Variants in CCDC3 observed in about 807,000 individuals in gnomAD.
CCDC3 encodes coiled-coil domain-containing protein 3.
In CCDC3, 24 loss-of-function variants were observed where a neutral mutation model predicts 21.4. The observed-to-expected ratio is 1.12, with a 90% CI of 0.81 to 1.58. The LOEUF is 1.58. Among genes scored for constraint, CCDC3 ranks in the 40% most tolerant of loss-of-function variants. The pLI is 0.00. For synonymous variants in CCDC3, 186 were observed against 166.0 expected, an observed-to-expected ratio of 1.12 and a Z score of -0.93; for missense variants, 425 against 360.9, an observed-to-expected ratio of 1.18 and a Z score of -1.44.
At chr10:13,079,700 G>A (rs900393762) in intron 3 of CCDC3, among the ~76,000 whole-genome samples, 1 of 152,184 alleles carries the variant, frequency 6.6e-6, no homozygotes, top group Non-Finnish European at 1.5e-5. Context: ...ACGTCCAGTA[G>A]TAAAAAGGAT....
chr10:12,929,344 C>G (rs1487239619), intron 2 of CCDC3, among the ~76,000 whole-genome samples: 1 of 151,864 alleles, frequency 6.6e-6, no homozygotes, highest in Non-Finnish European at 1.5e-5. Flanking sequence ...GTTAGAACCT[C>G]TGCCTTGTCT....
At chr10:12,952,820 A>C (rs1241333723) in intron 2 of CCDC3, among the ~76,000 whole-genome samples, 1 of 152,182 alleles carries the variant, frequency 6.6e-6, no homozygotes, top group Non-Finnish European at 1.5e-5. Context: ...ACCTCTGCTG[A>C]GTAAATGAAG....
At chr10:12,906,209 A>T (rs1291365125) in intron 2 of CCDC3, among the ~76,000 whole-genome samples, 1 of 152,194 alleles carries the variant, frequency 6.6e-6, no homozygotes, top group African/African-American at 2.4e-5. Flanking sequence ...GACAGCAGGG[A>T]AGTTCTTCTG....
chr10:12,944,904 CCTATA>C (rs887637177), intron 2 of CCDC3, among the ~76,000 whole-genome samples: 1 of 152,090 alleles, frequency 6.6e-6, no homozygotes, highest in African/African-American at 2.4e-5. Context: ...AGGGGTCTTC[CCTATA>C]CTAGAAGGTT....
chr10:12,975,073 G>A (rs1015075614), intron 2 of CCDC3, among the ~76,000 whole-genome samples: 8 of 152,146 alleles, frequency 5.3e-5, no homozygotes, highest in African/African-American at 1.7e-4. Flanking sequence ...CAGGAGTCTC[G>A]TCCATGCCAA....
At chr10:13,096,932 G>A (rs1832634374) in intron 3 of CCDC3, among the ~76,000 whole-genome samples, 1 of 152,154 alleles carries the variant, frequency 6.6e-6, no homozygotes, top group Non-Finnish European at 1.5e-5. Context: ...GGACATCTGG[G>A]GTAGATCATG....
intron 2 of CCDC3, among the ~76,000 whole-genome samples, chr10:12,917,117 CT>C (rs1376586320): frequency 6.6e-6 from 1 of 150,490 alleles, no homozygotes; most frequent in Admixed American, 6.6e-5. Context: ...GAGAGGATCT[CT>C]CTCCATACTG....
chr10:12,946,469 A>C (rs73575809), intron 2 of CCDC3, among the ~76,000 whole-genome samples: 1,541 of 152,278 alleles, frequency 0.01, 29 homozygotes, highest in African/African-American at 0.035. Flanking sequence ...GTCTCAGCAA[A>C]TCCTAGGCAG....
chr10:12,981,177 A>ATTTTTTTTTT (rs59193619), intron 2 of CCDC3, among the ~76,000 whole-genome samples: 1 of 105,558 alleles, frequency 9.5e-6, no homozygotes, highest in Non-Finnish European at 1.8e-5. Flanking sequence ...CTGGCCCAGG[A>ATTTTTTTTTT]TTTTTTTTTT....
intron 2 of CCDC3, among the ~76,000 whole-genome samples, chr10:13,098,851 G>A (rs1832671148): frequency 6.6e-6 from 1 of 150,964 alleles, no homozygotes; most frequent in African/African-American, 2.4e-5. Flanking sequence ...CGAGTAGCTG[G>A]GACTACAGGA....
At chr10:12,974,454 A>C (rs1835386863) in intron 2 of CCDC3, among the ~76,000 whole-genome samples, 1 of 152,228 alleles carries the variant, frequency 6.6e-6, no homozygotes, top group Non-Finnish European at 1.5e-5. Flanking sequence ...GATGGGGCTG[A>C]CTGCGGGTTG....
At chr10:12,999,920 C>T (rs2131286954) in intron 1 of CCDC3, among the ~76,000 whole-genome samples, 1 of 152,304 alleles carries the variant, frequency 6.6e-6, no homozygotes, top group Non-Finnish European at 1.5e-5. Context: ...AACTACACTT[C>T]TCTGGAAATA....
chr10:12,943,426 TC>T (rs1834864852), intron 2 of CCDC3, among the ~76,000 whole-genome samples: 1 of 152,208 alleles, frequency 6.6e-6, no homozygotes, highest in Non-Finnish European at 1.5e-5. Context: ...CGGTAAGGTT[TC>T]CCTTTTAACA....
intron 2 of CCDC3, among the ~76,000 whole-genome samples, chr10:12,974,307 G>A (rs1275122115): frequency 2.6e-5 from 4 of 152,168 alleles, no homozygotes; most frequent in African/African-American, 4.8e-5. Flanking sequence ...TGGCCAAGTC[G>A]TCATCAACAG....
At chr10:12,981,656 T>G (rs1835498710) in intron 2 of CCDC3, among the ~76,000 whole-genome samples, 1 of 152,190 alleles carries the variant, frequency 6.6e-6, no homozygotes, top group Admixed American at 6.5e-5. Context: ...TCCTGCTGAC[T>G]GCTGACTTTT....
At chr10:13,044,381 T>G (rs1002948987) in intron 5 of CCDC3, among the ~76,000 whole-genome samples, 1 of 152,248 alleles carries the variant, frequency 6.6e-6, no homozygotes, top group Admixed American at 6.5e-5. Flanking sequence ...ATTTTTGGTC[T>G]TGTTGCAATT....
intron 2 of CCDC3, among the ~76,000 whole-genome samples, chr10:12,948,695 G>A (rs1288704160): frequency 1.3e-5 from 2 of 150,818 alleles, no homozygotes; most frequent in African/African-American, 4.9e-5. Flanking sequence ...AAGACGAAAA[G>A]GGGTAAAAAT....
At chr10:12,919,746 C>G (rs974647789) in intron 2 of CCDC3, among the ~76,000 whole-genome samples, 1 of 151,768 alleles carries the variant, frequency 6.6e-6, no homozygotes, top group African/African-American at 2.4e-5. Context: ...CACAGAGTGC[C>G]CGGGGTGGGT....
chr10:12,934,804 C>G (rs1056244208), intron 2 of CCDC3, among the ~76,000 whole-genome samples: 1 of 151,414 alleles, frequency 6.6e-6, no homozygotes, highest in African/African-American at 2.4e-5. Flanking sequence ...TTTCTGCGTC[C>G]CTTTATCTAT....
Sources: allele counts gnomAD v4.1 joint callset (sites outside exome capture counted in the v4.1 genomes callset), GRCh38; gene constraint gnomAD v4.1.1; transcripts MANE v1.5; gene names NCBI Gene and HGNC (gene_info 2026-07-23, HGNC 2026-07-21).